ABCC1: variants seen among roughly 807,000 people sequenced by gnomAD.
The protein encoded by ABCC1 is multidrug resistance-associated protein 1.
Under a neutral mutation model 172.9 loss-of-function variants are expected in ABCC1, and 83 were observed. The observed-to-expected ratio is 0.48, with a 90% CI of 0.40 to 0.58. ABCC1 has a LOEUF of 0.58. Among genes scored for constraint, ABCC1 ranks in the 20% least tolerant of loss-of-function variants. The pLI is 0.00. For synonymous variants in ABCC1, 937 were observed against 825.2 expected, an observed-to-expected ratio of 1.14 and a Z score of -2.32; for missense variants, 1,817 against 2,002.7, an observed-to-expected ratio of 0.91 and a Z score of 1.77.
intron 13 of ABCC1, among the ~76,000 whole-genome samples, chr16:16,069,169 A>AAAAT (rs56098532): frequency 0.026 from 2,829 of 107,510 alleles, 41 homozygotes; most frequent in South Asian, 0.038. Flanking sequence ...AAATAAAATA[A>AAAAT]AAATAAATAA....
At chr16:16,083,654 G>C in intron 17 of ABCC1, 112 bp downstream of exon 17, 1 of 1,396,792 alleles carries the variant, frequency 7.2e-7, no homozygotes, top group Non-Finnish European at 9.8e-7. Flanking sequence ...ACCCGGCAGG[G>C]CTCAGCTGGG....
intron 24 of ABCC1, 97 bp from the exon 25 acceptor site, chr16:16,124,692 G>T: frequency 6.4e-7 from 1 of 1,555,454 alleles, no homozygotes; most frequent in South Asian, 1.1e-5. Flanking sequence ...AGTTACTTGA[G>T]TTAGCAAAGA....
rs2047929398 is a variant in ABCC1, at chr16:16,014,692, T to A, written c.489+64T>A. On this transcript the variant is annotated intron_variant, in intron 4 of 30. Coordinates refer to ENST00000399410, the MANE Select transcript of ABCC1 (RefSeq NM_004996.4). ...CCCGGAGGGAGAGATGCTGGGTCCC[T>A]CTGGCTTGTGTAGAAGTCATGCGTT... is the stretch of plus-strand genomic sequence containing the variant. 4 of 1,588,772 alleles carry A rather than the reference T, an allele frequency of 2.5e-6. No homozygotes were observed. In the African/African-American group the frequency reaches 5.4e-5, roughly 21 times the overall value.
intron 23 of ABCC1, among the ~76,000 whole-genome samples, 173 bp downstream of exon 23, chr16:16,115,249 A>T (rs911275369): frequency 6.6e-6 from 1 of 152,264 alleles, no homozygotes; most frequent in Non-Finnish European, 1.5e-5. Context: ...CAATAACAAA[A>T]TGCACTTTTT....
intron 1 of ABCC1, among the ~76,000 whole-genome samples, chr16:15,988,119 T>C (rs996505123): frequency 6.6e-6 from 1 of 152,078 alleles, no homozygotes; most frequent in African/African-American, 2.4e-5. Flanking sequence ...TACCACGCTA[T>C]GTTGGCCAGG....
intron 11 of ABCC1, among the ~76,000 whole-genome samples, chr16:16,053,976 T>G (rs1380811276): frequency 6.7e-6 from 1 of 148,346 alleles, no homozygotes; most frequent in Non-Finnish European, 1.5e-5. Flanking sequence ...ATATGTGGGT[T>G]TTTTTTTTTG....
intron 9 of ABCC1, among the ~76,000 whole-genome samples, chr16:16,046,932 T>C (rs2049235413): frequency 6.6e-6 from 1 of 151,896 alleles, no homozygotes; most frequent in Middle Eastern, 3.4e-3. Context: ...CTGTAGCTCA[T>C]GCCTGTAATC....
chr16:16,106,062 A>T (rs1397131450), intron 20 of ABCC1, among the ~76,000 whole-genome samples: 1 of 151,848 alleles, frequency 6.6e-6, no homozygotes, highest in Non-Finnish European at 1.5e-5. Flanking sequence ...TTTTTAGTAG[A>T]GACGGGGTTT....
At chr16:16,059,323 C>T (rs964775462) in intron 12 of ABCC1, among the ~76,000 whole-genome samples, 10 of 152,104 alleles carry the variant, frequency 6.6e-5, no homozygotes, top group Non-Finnish European at 1.5e-4. Context: ...TTCGGAATTC[C>T]GGGCCATACA....
chr16:16,096,583 G>T (rs981330892), intron 19 of ABCC1, among the ~76,000 whole-genome samples: 3 of 152,298 alleles, frequency 2.0e-5, no homozygotes, highest in Non-Finnish European at 4.4e-5. Flanking sequence ...TGCCGAGGCT[G>T]GGGGAGGAGG....
At chr16:16,012,365 G>T (rs1263461088) in intron 3 of ABCC1, among the ~76,000 whole-genome samples, 1 of 152,124 alleles carries the variant, frequency 6.6e-6, no homozygotes, top group Non-Finnish European at 1.5e-5. Context: ...GCCTGGCCCT[G>T]TGCCTGGCAT....
chr16:16,029,652 A>T (rs2048495553), intron 5 of ABCC1, among the ~76,000 whole-genome samples: 1 of 152,254 alleles, frequency 6.6e-6, no homozygotes, highest in Non-Finnish European at 1.5e-5. Context: ...TTGCAAAAAT[A>T]ACAGAGTTCC....
At chr16:16,132,071 T>C in intron 27 of ABCC1, 136 bp downstream of exon 27, 1 of 1,136,002 alleles carries the variant, frequency 8.8e-7, no homozygotes, top group Non-Finnish European at 1.2e-6. Flanking sequence ...TTTGGGGGGC[T>C]GGGAGTGGAC....
intron 22 of ABCC1, among the ~76,000 whole-genome samples, chr16:16,112,569 A>G (rs1052487865): frequency 1.3e-4 from 20 of 152,106 alleles, no homozygotes; most frequent in African/African-American, 4.3e-4. Context: ...TATTTCCCTC[A>G]TTTTGGAGAT....
intron 1 of ABCC1, among the ~76,000 whole-genome samples, chr16:15,982,194 C>T (rs1046363352): frequency 6.6e-6 from 1 of 152,168 alleles, no homozygotes; most frequent in East Asian, 1.9e-4. Flanking sequence ...TACTCAGTTC[C>T]AAAGTTGCTT....
rs1458390553 is a variant in ABCC1 at position 16,014,587 on chromosome 16, C to G, written c.448C>G (p.Leu150Val). ...TFWLVALVCA[L>V]AILRSKIMTA... is the part of the protein sequence containing the mutation. Reference sequence around the variant, plus strand: ...CTGGCTGGTAGCCCTAGTGTGTGCCCTAGCCATCCTGAGATCCAAAATTAT... The same window carrying G: ...CTGGCTGGTAGCCCTAGTGTGTGCCGTAGCCATCCTGAGATCCAAAATTAT... Residue 150 changes from leucine (L) to valine (V), a missense_variant, in exon 4 of 31, where the codon CTA (leucine) becomes GTA (valine). Physicochemically the swap from Leu to Val is conservative, Grantham distance 32. This residue lies in a region of ABCC1 where 398 missense variants were observed against 384.2 expected (regional missense o/e 1.04). Transcript: ENST00000399410. 3.1e-6 allele frequency: 5 copies of G among 1,613,930 alleles called. No homozygotes were observed. In the African/African-American group the frequency reaches 4.0e-5, roughly 13 times the overall value.
intron 20 of ABCC1, among the ~76,000 whole-genome samples, chr16:16,106,375 A>C (rs144140566): frequency 8.7e-6 from 1 of 114,488 alleles, no homozygotes; most frequent in East Asian, 2.5e-4. Context: ...TATATCTTTT[A>C]TTGGCTTTTT....
At chr16:16,115,905 T>C (rs894270760) in intron 23 of ABCC1, among the ~76,000 whole-genome samples, 7 of 147,100 alleles carry the variant, frequency 4.8e-5, no homozygotes, top group Admixed American at 6.8e-5. Flanking sequence ...CTTTCTTTCT[T>C]TTTTTTTTTT....
At chr16:16,005,187 G>T (rs896556836) in intron 1 of ABCC1, among the ~76,000 whole-genome samples, 1 of 150,946 alleles carries the variant, frequency 6.6e-6, no homozygotes, top group African/African-American at 2.4e-5. Context: ...AGAGCTATTT[G>T]GAGGGTGCAT....
Sources: gnomAD v4.1 joint callset for allele counts (sites outside exome capture counted in the v4.1 genomes callset) on GRCh38, gnomAD v4.1.1 for gene constraint, gnomAD v4.1.1 regional missense constraint, MANE v1.5 for transcripts, NCBI Gene and HGNC (gene_info 2026-07-23, HGNC 2026-07-21) for gene names.